The following NOVA1 variants were observed in gnomAD, a reference collection of about 807,000 sequenced individuals.
NOVA1 encodes the protein NOVA alternative splicing regulator 1.
A neutral mutation model predicts 38.0 loss-of-function variants in NOVA1; 7 were observed. The observed-to-expected ratio is 0.18, with a 90% CI of 0.10 to 0.35. The LOEUF is 0.35. Ranked by LOEUF, NOVA1 falls within the 10% of genes least tolerant of loss-of-function variation. The pLI is 1.00. For synonymous variants in NOVA1, 270 were observed against 232.5 expected, an observed-to-expected ratio of 1.16 and a Z score of -1.47; for missense variants, 460 against 616.0, an observed-to-expected ratio of 0.75 and a Z score of 2.68.
intron 2 of NOVA1, among the ~76,000 whole-genome samples, chr14:26,500,194 C>T (rs935628996): frequency 6.6e-6 from 1 of 152,044 alleles, no homozygotes; most frequent in Non-Finnish European, 1.5e-5. Context: ...GTTCACTAGC[C>T]TGTAGAGCTC....
rs1009006594 is a variant in NOVA1, at chr14:26,445,181, C to T, written c.*2778G>A. 3 of 152,164 alleles carry T rather than the reference C, an allele frequency of 2.0e-5. No homozygotes were observed. The highest frequency in any genetic ancestry group is 2.9e-5 in the Non-Finnish European group (2 of 68,030). The allele number at this position is 152,164 out of a possible 1,614,324, so 9.4% of individuals were successfully genotyped here. A position where few individuals can be genotyped will look rare whatever the true frequency, so the allele number is the denominator to read the frequency against. ...GTTGCATTTCATAAGATGTTTGGCCCTTGTATCATCAGTTTTCTCCATTTT... is the reference window on the plus strand; with the variant it reads ...GTTGCATTTCATAAGATGTTTGGCCTTTGTATCATCAGTTTTCTCCATTTT... On this transcript the variant is annotated 3_prime_UTR_variant, in exon 5 of 5. Transcript: ENST00000539517.
At position 26,445,799 on chromosome 14, in the gene NOVA1, T is replaced by A. The variant is rs1040743174; in HGVS notation, c.*2160A>T. 2.0e-5 allele frequency: 3 copies of A among 152,562 alleles called. 1 individual carries two copies. The highest frequency in any genetic ancestry group is 7.2e-5 in the African/African-American group (3 of 41,430). The allele number at this position is 152,562 out of a possible 1,614,324, so 9.5% of individuals were successfully genotyped here. A position where few individuals can be genotyped will look rare whatever the true frequency, so the allele number is the denominator to read the frequency against. On this transcript the variant is annotated 3_prime_UTR_variant, in exon 5 of 5. Transcript: ENST00000539517. ...TCTGAGACAGCATGGTGAAAGAAAT[T>A]TACATAGATATTATTTACTGTTAAT...
chr14:26,531,581 T>C (rs549660986), intron 2 of NOVA1, among the ~76,000 whole-genome samples: 4 of 151,408 alleles, frequency 2.6e-5, no homozygotes, highest in African/African-American at 9.6e-5. Flanking sequence ...CACTCCAGCC[T>C]AAGCAACAAC....
At chr14:26,550,073 T>C (rs1393035463) in intron 2 of NOVA1, among the ~76,000 whole-genome samples, 1 of 152,098 alleles carries the variant, frequency 6.6e-6, no homozygotes, top group African/African-American at 2.4e-5. Context: ...AAAATAACAA[T>C]AAACCAAATG....
chr14:26,552,982 A>G (rs955115516), intron 2 of NOVA1, among the ~76,000 whole-genome samples: 3 of 152,196 alleles, frequency 2.0e-5, no homozygotes, highest in African/African-American at 2.4e-5. Flanking sequence ...CTTCCAAGCC[A>G]TAATAAGGAC....
chr14:26,449,517 T>C (rs1272915365), intron 4 of NOVA1, among the ~76,000 whole-genome samples: 1 of 152,162 alleles, frequency 6.6e-6, no homozygotes, highest in Non-Finnish European at 1.5e-5. Flanking sequence ...ACTTGTTTCA[T>C]GACTGTCTTC....
At chr14:26,466,110 G>A (rs774503102) in intron 4 of NOVA1, among the ~76,000 whole-genome samples, 4 of 152,138 alleles carry the variant, frequency 2.6e-5, no homozygotes, top group African/African-American at 4.8e-5. Context: ...AGAATTTCAT[G>A]CAGAGAAAAG....
chr14:26,487,354 T>C (rs1885998892), intron 2 of NOVA1, among the ~76,000 whole-genome samples: 1 of 152,180 alleles, frequency 6.6e-6, no homozygotes, highest in Non-Finnish European at 1.5e-5. Flanking sequence ...AATATTCTTT[T>C]AAGTGACTTT....
At chr14:26,489,708 C>T (rs1035765123) in intron 2 of NOVA1, among the ~76,000 whole-genome samples, 2 of 151,836 alleles carry the variant, frequency 1.3e-5, no homozygotes, top group Non-Finnish European at 1.5e-5. Context: ...TAGTGGTGCA[C>T]GCCTGTAGTC....
chr14:26,460,922 C>T (rs1271238363), intron 4 of NOVA1, among the ~76,000 whole-genome samples: 1 of 151,988 alleles, frequency 6.6e-6, no homozygotes, highest in Non-Finnish European at 1.5e-5. Context: ...ATGAAAAATT[C>T]TATTGAACTG....
intron 4 of NOVA1, among the ~76,000 whole-genome samples, chr14:26,456,946 C>T (rs368637091): frequency 8.1e-5 from 12 of 148,586 alleles, no homozygotes; most frequent in Middle Eastern, 3.2e-3. Context: ...TATATATATA[C>T]ACACACACAC....
chr14:26,517,588 T>C (rs1888564904), intron 2 of NOVA1, among the ~76,000 whole-genome samples: 1 of 152,176 alleles, frequency 6.6e-6, no homozygotes, highest in African/African-American at 2.4e-5. Context: ...GAATACAAAC[T>C]ATATGTTGAG....
intron 2 of NOVA1, among the ~76,000 whole-genome samples, chr14:26,481,988 T>TGAAAAAAAAAAAAAA (rs922159329): frequency 9.4e-6 from 1 of 105,986 alleles, no homozygotes; most frequent in Admixed American, 8.8e-5. Flanking sequence ...TAGATAGAGA[T>TGAAAAAAAAAAAAAA]AAAAAAAAAA....
rs1411132742 is a variant in NOVA1, at chr14:26,447,440, CA to C, written c.*518del. 1.3e-5 allele frequency: 2 copies of C among 155,414 alleles called. No individual in the cohort carries two copies. The highest frequency in any genetic ancestry group is 2.9e-5 in the Non-Finnish European group (2 of 69,726). 9.6% of individuals were successfully genotyped at this position (155,414 alleles called of 1,614,324 possible). On this transcript the variant is annotated 3_prime_UTR_variant, in exon 5 of 5. Coordinates refer to ENST00000539517, the MANE Select transcript of NOVA1 (RefSeq NM_002515.3). ...TTAAATATTTTACAGTGCTTTTATG[CA>C]ACTATATTGCTTTTTGATCATTTTA... is the stretch of plus-strand genomic sequence containing the variant.
chr14:26,548,054 A>G (rs1041198897), intron 2 of NOVA1, among the ~76,000 whole-genome samples: 45 of 152,170 alleles, frequency 3.0e-4, no homozygotes, highest in African/African-American at 9.6e-4. Context: ...ATTATATTTC[A>G]TAACAATGGA....
chr14:26,509,688 G>T (rs772178181), intron 2 of NOVA1, among the ~76,000 whole-genome samples: 2 of 152,050 alleles, frequency 1.3e-5, no homozygotes, highest in Non-Finnish European at 2.9e-5. Flanking sequence ...TGCATATGGG[G>T]TTTTTTCTTG....
At chr14:26,565,518 T>A (rs953824338) in intron 2 of NOVA1, among the ~76,000 whole-genome samples, 1 of 152,160 alleles carries the variant, frequency 6.6e-6, no homozygotes, top group Non-Finnish European at 1.5e-5. Flanking sequence ...GTATGCAGTC[T>A]GTCATTTCTT....
intron 3 of NOVA1, among the ~76,000 whole-genome samples, chr14:26,474,895 A>G (rs1884856215): frequency 1.3e-5 from 2 of 151,808 alleles, no homozygotes; most frequent in African/African-American, 4.8e-5. Flanking sequence ...TTTAAGCACA[A>G]AAAGACCCCT....
chr14:26,448,792 G>C lies in NOVA1; in HGVS notation c.691C>G (p.Arg231Gly), dbSNP rs1882354139. The C allele has an allele frequency of 6.2e-7, 1 of 1,614,016 alleles. No individual in the cohort carries two copies. The highest frequency in any genetic ancestry group is 8.5e-7 in the Non-Finnish European group (1 of 1,180,002). The change falls in exon 5 of 5, where the codon CGA becomes GGA. Residue 231 changes from arginine (R) to glycine (G), a missense_variant. Physicochemically the swap from Arg to Gly is moderately radical, Grantham distance 125. Coordinates refer to ENST00000539517, the MANE Select transcript of NOVA1 (RefSeq NM_002515.3). The surrounding 1 kb of genome is among the most constrained non-coding windows in gnomAD (Gnocchi z 5.3). ...VTVSGEPEQN[R>G]KAVELIIQKI... ...TGGATGATAAGTTCAACAGCTTTTC[G>C]GTTTTGTTCAGGTTCTCCACTCACA...
Sources: gnomAD v4.1 joint callset for allele counts (sites outside exome capture counted in the v4.1 genomes callset) on GRCh38, gnomAD v4.1.1 for gene constraint, Gnocchi (gnomAD v3.1) non-coding constraint, MANE v1.5 for transcripts, NCBI Gene and HGNC (gene_info 2026-07-23, HGNC 2026-07-21) for gene names.